ADGRL2: variants seen among roughly 807,000 people sequenced by gnomAD.
ADGRL2 encodes the protein calcium-independent alpha-latrotoxin receptor 2.
A neutral mutation model predicts 157.4 loss-of-function variants in ADGRL2; 44 were observed. That is an observed-to-expected ratio of 0.28 (90% confidence interval 0.22 to 0.36). ADGRL2 has a LOEUF of 0.36. Among genes scored for constraint, ADGRL2 ranks in the 10% least tolerant of loss-of-function variants. The pLI is 1.00. For missense variants in ADGRL2, 1,510 were observed against 1,768.9 expected, an observed-to-expected ratio of 0.85 and a Z score of 2.63; for synonymous variants, 585 against 624.7, an observed-to-expected ratio of 0.94 and a Z score of 0.95.
At chr1:81,785,202 G>T (rs928128437) in intron 2 of ADGRL2, among the ~76,000 whole-genome samples, 1 of 152,066 alleles carries the variant, frequency 6.6e-6, no homozygotes, top group African/African-American at 2.4e-5. Flanking sequence ...AAGTTGCATA[G>T]ATAATTATTT....
intron 1 of ADGRL2, among the ~76,000 whole-genome samples, chr1:81,380,762 T>C (rs1336705633): frequency 1.3e-5 from 2 of 152,194 alleles, no homozygotes; most frequent in African/African-American, 2.4e-5. Context: ...TTATGTATTA[T>C]AACCTTATAA....
chr1:81,459,821 T>TAC (rs2077887355), intron 2 of ADGRL2, among the ~76,000 whole-genome samples: 1 of 149,376 alleles, frequency 6.7e-6, no homozygotes, highest in African/African-American at 2.5e-5. Context: ...TGTATATATA[T>TAC]ATATATATAT....
At chr1:81,577,259 G>A (rs1360273566) in intron 2 of ADGRL2, among the ~76,000 whole-genome samples, 1 of 152,134 alleles carries the variant, frequency 6.6e-6, no homozygotes, top group Non-Finnish European at 1.5e-5. Context: ...TGTGAATTTA[G>A]GCTGGGCTCT....
rs577680237 is a variant in ADGRL2, at chr1:81,397,420, C to G, written c.-301-47616C>G. Among the ~76,000 whole-genome samples, 6 of 147,876 alleles carry G rather than the reference C, an allele frequency of 4.1e-5. 1 individual carries two copies. The highest frequency in any genetic ancestry group is 4.2e-4 in the East Asian group (2 of 4,818). On this transcript the variant is annotated intron_variant, in intron 1 of 24. Coordinates refer to the ADGRL2 transcript ENST00000370721. ...ACTGCAACTCCGCCTCCCGGGTTCA[C>G]GCCATTCTCCTGCCTCAGCCTCCCA...
intron 2 of ADGRL2, among the ~76,000 whole-genome samples, chr1:81,564,025 A>C (rs1411060996): frequency 6.6e-6 from 1 of 152,182 alleles, no homozygotes; most frequent in Non-Finnish European, 1.5e-5. Flanking sequence ...TTTCCTCCTT[A>C]TCTTAGAGGT....
chr1:81,442,952 T>C (rs750114164), intron 1 of ADGRL2, among the ~76,000 whole-genome samples: 1 of 152,232 alleles, frequency 6.6e-6, no homozygotes, highest in Non-Finnish European at 1.5e-5. Context: ...CTAAAAATTA[T>C]TGGTCTCCAA....
chr1:81,861,123 C>A (rs906568201), intron 2 of ADGRL2, among the ~76,000 whole-genome samples: 1 of 150,262 alleles, frequency 6.7e-6, no homozygotes, highest in Non-Finnish European at 1.5e-5. Context: ...TGGGTTCAAG[C>A]GATTCTCCTG....
intron 2 of ADGRL2, among the ~76,000 whole-genome samples, chr1:81,771,730 C>T (rs2086377546): frequency 6.6e-6 from 1 of 152,018 alleles, no homozygotes; most frequent in African/African-American, 2.4e-5. Flanking sequence ...TCCTATCCCT[C>T]TAAGAATTCT....
At chr1:81,829,776 T>C (rs1223122207) in intron 1 of ADGRL2, among the ~76,000 whole-genome samples, 1 of 152,208 alleles carries the variant, frequency 6.6e-6, no homozygotes, top group African/African-American at 2.4e-5. Flanking sequence ...ATCAGGACCA[T>C]AAATTTATCA....
At chr1:81,529,375 G>A (rs879558528) in intron 2 of ADGRL2, among the ~76,000 whole-genome samples, 1 of 152,230 alleles carries the variant, frequency 6.6e-6, no homozygotes, top group African/African-American at 2.4e-5. Flanking sequence ...ATAGGATAAA[G>A]TTGGTGCTAG....
intron 1 of ADGRL2, among the ~76,000 whole-genome samples, chr1:81,753,321 T>TAA (rs2085553160): frequency 6.6e-6 from 1 of 152,140 alleles, no homozygotes; most frequent in Non-Finnish European, 1.5e-5. Context: ...CTCCCGTTTT[T>TAA]AAAACCAACA....
rs986923290 is a variant in ADGRL2 at position 81,352,156 on chromosome 1, G to A, written c.-302+45647G>A. 2.6e-5 allele frequency among the ~76,000 whole-genome samples: 4 copies of A among 152,356 alleles called. No individual in the cohort carries two copies. The East Asian group carries it at 7.7e-4, about 29-fold the overall frequency. On this transcript the variant is annotated intron_variant, in intron 1 of 24. Transcript: ENST00000370721. ...ATGCCCTGACTTACCCACAATGCTT[G>A]TGACTCTGTCACTTGACTCTTGAGC...
At chr1:81,540,229 T>C (rs2079849338) in intron 2 of ADGRL2, among the ~76,000 whole-genome samples, 1 of 152,218 alleles carries the variant, frequency 6.6e-6, no homozygotes, top group South Asian at 2.1e-4. Context: ...TTGCAATCTG[T>C]TCATTGTAGG....
chr1:81,710,627 A>T (rs9438630), intron 1 of ADGRL2, among the ~76,000 whole-genome samples: 7,458 of 34,904 alleles, frequency 0.21, 238 homozygotes, highest in Non-Finnish European at 0.31. Context: ...TCAAAAAATT[A>T]AAAAAAAAAA....
intron 3 of ADGRL2, among the ~76,000 whole-genome samples, chr1:81,618,612 T>G (rs1028971984): frequency 7.9e-5 from 12 of 152,204 alleles, no homozygotes; most frequent in African/African-American, 2.9e-4. Context: ...ACTGTTCACA[T>G]AGCAAATAGC....
intron 3 of ADGRL2, among the ~76,000 whole-genome samples, chr1:81,918,201 C>T (rs192705358): frequency 8.1e-4 from 124 of 152,198 alleles, no homozygotes; most frequent in Admixed American, 1.5e-3. Context: ...AAGAAATGGC[C>T]TCTAGAAATA....
In ADGRL2 at chr1:81,967,042, TA is replaced by T. The variant is rs139160638; in HGVS notation, c.2349+440del. 6.5e-3 allele frequency among the ~76,000 whole-genome samples: 994 copies of T among 152,226 alleles called. 7 individuals are homozygous for T. Among genetic ancestry groups the T allele is most frequent in the Admixed American group, 0.013 (193 of 15,280 alleles). On this transcript the variant is annotated intron_variant, in intron 13 of 23. Transcript: ENST00000686636. ...CACAGCTGTTACCAAGTATTGTGTTTAAAAAAACAGTTGAGGAGATGTGATT... is the reference window on the plus strand; with the variant it reads ...CACAGCTGTTACCAAGTATTGTGTTTAAAAAACAGTTGAGGAGATGTGATT...
intron 1 of ADGRL2, among the ~76,000 whole-genome samples, chr1:81,729,003 G>T (rs1440770897): frequency 1.3e-5 from 2 of 151,986 alleles, no homozygotes; most frequent in East Asian, 1.9e-4. Flanking sequence ...AAGAAGAGGG[G>T]TTAGATCTGA....
intron 3 of ADGRL2, among the ~76,000 whole-genome samples, chr1:81,624,648 G>A (rs1359959280): frequency 6.6e-6 from 1 of 152,124 alleles, no homozygotes; most frequent in Non-Finnish European, 1.5e-5. Flanking sequence ...GTCAGAGATA[G>A]AGATGTCAAT....
Sources: gnomAD v4.1 joint callset for allele counts (sites outside exome capture counted in the v4.1 genomes callset) on GRCh38, gnomAD v4.1.1 for gene constraint, MANE v1.5 for transcripts, NCBI Gene and HGNC (gene_info 2026-07-23, HGNC 2026-07-21) for gene names.